The following SLC8A1 variants were observed in gnomAD, a reference collection of about 807,000 sequenced individuals.
SLC8A1 encodes the protein sodium/calcium exchanger 1.
In SLC8A1, 18 loss-of-function variants were observed where a neutral mutation model predicts 68.3. That is an observed-to-expected ratio of 0.26 (90% CI 0.18 to 0.39). The LOEUF is 0.39. SLC8A1 is among the 10% of genes least tolerant of loss of function. The probability of loss-of-function intolerance (pLI) is 1.00; values close to 1 mark genes in which losing one functional copy is unlikely to be tolerated. For missense variants in SLC8A1, 985 were observed against 1,156.7 expected (o/e 0.85, Z 2.15); for synonymous variants, 475 against 415.5 (o/e 1.14, Z -1.74).
At chr2:40,483,577 T>G (rs1168284361) in intron 1 of SLC8A1, among the ~76,000 whole-genome samples, 1 of 152,204 alleles carries the variant, frequency 6.6e-6, no homozygotes, top group Non-Finnish European at 1.5e-5. Flanking sequence ...AGTATTTTGT[T>G]GGTAACAGAT....
In SLC8A1 at chr2:40,313,456, T is replaced by C. The variant is rs138292414; in HGVS notation, c.1808+115017A>G. Among the ~76,000 whole-genome samples, 245 of 152,180 alleles carry C rather than the reference T, an allele frequency of 1.6e-3. 1 individual carries two copies. The highest frequency in any genetic ancestry group is 5.6e-3 in the African/African-American group (234 of 41,532). On this transcript the variant is annotated intron_variant, in intron 2 of 7. Transcript: ENST00000406785. Reference sequence around the variant, plus strand: ...TAGAATGGCTGGATTATATGATAAGTGTATGTTTAACTTTTAAAAAAACGG... The same window carrying C: ...TAGAATGGCTGGATTATATGATAAGCGTATGTTTAACTTTTAAAAAAACGG...
intron 6 of SLC8A1, among the ~76,000 whole-genome samples, chr2:40,146,547 T>G (rs2042496559): frequency 1.3e-5 from 2 of 152,124 alleles, no homozygotes; most frequent in African/African-American, 4.8e-5. Flanking sequence ...TTTATTTCTA[T>G]TATTGTTATG....
At chr2:40,432,662 G>A (rs1489360028) in intron 1 of SLC8A1, among the ~76,000 whole-genome samples, 1 of 151,898 alleles carries the variant, frequency 6.6e-6, no homozygotes, top group African/African-American at 2.4e-5. Flanking sequence ...AGGGGGCAGG[G>A]CTCAGGAGTG....
intron 7 of SLC8A1, among the ~76,000 whole-genome samples, chr2:40,137,934 T>G (rs548752218): frequency 6.6e-6 from 1 of 152,190 alleles, no homozygotes; most frequent in Non-Finnish European, 1.5e-5. Flanking sequence ...CTGACCAGTA[T>G]AAATCTGGAT....
intron 2 of SLC8A1, among the ~76,000 whole-genome samples, chr2:40,401,964 T>C (rs1445758570): frequency 1.3e-5 from 2 of 152,150 alleles, no homozygotes; most frequent in Non-Finnish European, 2.9e-5. Flanking sequence ...ACTTTAAGTG[T>C]ATAATTGTCA....
At chr2:40,366,220 T>C (rs924545696) in intron 2 of SLC8A1, among the ~76,000 whole-genome samples, 2 of 152,046 alleles carry the variant, frequency 1.3e-5, no homozygotes, top group Non-Finnish European at 2.9e-5. Context: ...CAACATATAG[T>C]ATGCACTCAA....
rs1198912713 is a variant in SLC8A1 at position 40,174,736 on chromosome 2, A to G, written c.1930+89T>C. 6.4e-7 allele frequency: 1 copy of G among 1,562,002 alleles called. No individual in the cohort carries two copies. The highest frequency in any genetic ancestry group is 1.7e-5 in the Admixed American group (1 of 57,296). The stretch of plus-strand genomic sequence containing the variant: ...AGGTATTTTCCTTCATTAAAAGCAA[A>G]TAAAAATGAGAAATTTTTTTTAATG... On this transcript the variant is annotated intron_variant, in intron 4 of 7. Coordinates refer to ENST00000406785, the Ensembl canonical transcript of SLC8A1.
intron 2 of SLC8A1, among the ~76,000 whole-genome samples, chr2:40,400,160 C>T (rs1688278189): frequency 6.6e-6 from 1 of 152,192 alleles, no homozygotes; most frequent in Non-Finnish European, 1.5e-5. Context: ...ACTCGGTGAG[C>T]TCGGCTCTTG....
intron 1 of SLC8A1, among the ~76,000 whole-genome samples, chr2:40,451,468 G>A (rs1001644956): frequency 1.3e-5 from 2 of 152,172 alleles, no homozygotes; most frequent in East Asian, 1.9e-4. Flanking sequence ...ACCGGAAGGA[G>A]GGATGTCCGC....
chr2:40,399,764 T>C (rs1688115867), intron 2 of SLC8A1, among the ~76,000 whole-genome samples: 1 of 152,090 alleles, frequency 6.6e-6, no homozygotes, highest in South Asian at 2.1e-4. Context: ...ACTGACATAA[T>C]GAAAACCACC....
chr2:40,242,816 G>A (rs1002752172), intron 2 of SLC8A1, among the ~76,000 whole-genome samples: 13 of 152,176 alleles, frequency 8.5e-5, no homozygotes, highest in Admixed American at 2.6e-4. Context: ...GAAAAAAAGA[G>A]ACTAAATTTT....
intron 2 of SLC8A1, among the ~76,000 whole-genome samples, chr2:40,249,585 A>C (rs1475493426): frequency 2.0e-5 from 3 of 152,214 alleles, no homozygotes; most frequent in Non-Finnish European, 4.4e-5. Context: ...TAGAAGCACT[A>C]TTCTAGATGA....
In SLC8A1 at chr2:40,322,593, T is replaced by C. The variant is rs151248787; in HGVS notation, c.1808+105880A>G. On this transcript the variant is annotated intron_variant, in intron 2 of 7. Coordinates refer to ENST00000406785, the Ensembl canonical transcript of SLC8A1. Reference sequence around the variant, plus strand: ...CAGGAGTCCGAGGCAGGAGGGTCACTTGAGCTCAGGAGTCTGATGCTGCAG... The same window carrying C: ...CAGGAGTCCGAGGCAGGAGGGTCACCTGAGCTCAGGAGTCTGATGCTGCAG... 1.2e-3 allele frequency among the ~76,000 whole-genome samples: 177 copies of C among 151,930 alleles called. 4 individuals carry two copies. The East Asian group carries it at 0.025, about 22-fold the overall frequency.
chr2:40,232,965 A>G (rs760600811), intron 2 of SLC8A1, among the ~76,000 whole-genome samples: 1 of 151,404 alleles, frequency 6.6e-6, no homozygotes, highest in African/African-American at 2.4e-5. Context: ...TCCATGGTGT[A>G]TATGTGCCAC....
chr2:40,453,575 A>G (rs1375593497), upstream of SLC8A1: 1 of 152,142 alleles, frequency 6.6e-6, no homozygotes, highest in African/African-American at 2.4e-5. Context: ...GTTTTTAAAA[A>G]TCCCAGTGCT....
At chr2:40,102,693 A>C (rs377557105) in exon 8 of SLC8A1, 1 of 152,148 alleles carries the variant, frequency 6.6e-6, no homozygotes, top group Admixed American at 6.5e-5. Flanking sequence ...ACTGATTGAC[A>C]GCTCTACCAA....
intron 2 of SLC8A1, among the ~76,000 whole-genome samples, chr2:40,335,125 G>T (rs986590638): frequency 1.3e-5 from 2 of 152,112 alleles, no homozygotes; most frequent in Admixed American, 1.3e-4. Context: ...TAGATATAGG[G>T]AAATAGTTTT....
chr2:40,452,696 T>C (rs938195817), upstream of SLC8A1, among the ~76,000 whole-genome samples: 1 of 151,518 alleles, frequency 6.6e-6, no homozygotes, highest in Non-Finnish European at 1.5e-5. Context: ...CCTGTGTTTT[T>C]CTACGTATCA....
chr2:40,161,487 T>C (rs1006885919), intron 5 of SLC8A1, among the ~76,000 whole-genome samples: 1 of 152,186 alleles, frequency 6.6e-6, no homozygotes, highest in Non-Finnish European at 1.5e-5. Flanking sequence ...GTTCAGTTCT[T>C]ATGGTTTAGG....
Sources: allele counts gnomAD v4.1 joint callset (sites outside exome capture counted in the v4.1 genomes callset), GRCh38; gene constraint gnomAD v4.1.1; transcripts MANE v1.5; gene names NCBI Gene and HGNC (gene_info 2026-07-23, HGNC 2026-07-21).